The following SLC6A6 variants were observed in gnomAD, a reference collection of about 807,000 sequenced individuals.
SLC6A6 encodes solute carrier family 6 member 6.
SLC6A6 carries 16 observed loss-of-function variants against 68.8 expected under a neutral mutation model. That is an observed-to-expected ratio of 0.23 (90% CI 0.16 to 0.35). The LOEUF is 0.35. Ranked by LOEUF, SLC6A6 falls within the 10% of genes least tolerant of loss-of-function variation. The pLI is 1.00. For synonymous variants in SLC6A6, 312 were observed against 315.4 expected (o/e 0.99, Z 0.12); for missense variants, 474 against 802.8 (o/e 0.59, Z 4.95).
Position 14,481,578 on chromosome 3 carries a change from C to A in SLC6A6, c.1552-93C>A. 3 of 812,914 alleles carry A rather than the reference C, an allele frequency of 3.7e-6. No homozygotes were observed. The highest frequency in any genetic ancestry group is 6.1e-6 in the Non-Finnish European group (3 of 493,170). The allele number at this position is 812,914 out of a possible 1,614,324, so 50.4% of individuals were successfully genotyped here. On this transcript the variant is annotated intron_variant, in intron 13 of 14. Transcript: ENST00000622186. This position sits in a 1 kb window ranked among gnomAD's most constrained non-coding sequence, Gnocchi z 4.7. ...CCAGTCCTTTCCCAAGGAGAGAGAC[C>A]CTTCCCTCAGGTTGAGGCCAGTCCT...
chr3:14,406,272 C>T (rs1699106069), intron 1 of SLC6A6, among the ~76,000 whole-genome samples: 1 of 152,098 alleles, frequency 6.6e-6, no homozygotes, highest in Non-Finnish European at 1.5e-5. Flanking sequence ...CTCAGCCTCC[C>T]AAGTGTTGAT....
chr3:14,479,317 TG>T (rs1700955731), intron 13 of SLC6A6, 132 bp downstream of exon 13: 34 of 650,638 alleles, frequency 5.2e-5, no homozygotes, highest in South Asian at 4.4e-4. Flanking sequence ...CAGCGCTGCC[TG>T]GGAGAGGGGA....
At chr3:14,408,838 GCT>G (rs1209882443) in intron 1 of SLC6A6, among the ~76,000 whole-genome samples, 2 of 151,284 alleles carry the variant, frequency 1.3e-5, no homozygotes, top group Non-Finnish European at 2.9e-5. Flanking sequence ...ACGGAGTCTC[GCT>G]CTGTCGCCCA....
intron 1 of SLC6A6, among the ~76,000 whole-genome samples, chr3:14,407,510 C>CTT (rs55889836): frequency 9.5e-5 from 13 of 137,494 alleles, no homozygotes; most frequent in Non-Finnish European, 1.3e-4. Flanking sequence ...TTTTCTTTTT[C>CTT]TTTTTTTTTT....
rs73132917 is a variant in SLC6A6 at position 14,420,811 on chromosome 3, A to G, written c.-12+4358A>G. On this transcript the variant is annotated intron_variant, in intron 2 of 14. Transcript: ENST00000622186. ...TATTTTCAATTGTTGTAAAAGACAA[A>G]TAACTTAAAGCTGACCATCTTAACC... Among the ~76,000 whole-genome samples, 611 of 152,330 alleles carry G rather than the reference A, an allele frequency of 4.0e-3. 6 individuals carry two copies. The highest frequency in any genetic ancestry group is 0.014 in the African/African-American group (583 of 41,580).
chr3:14,430,556 C>T (rs987546981), intron 2 of SLC6A6, among the ~76,000 whole-genome samples: 3 of 152,222 alleles, frequency 2.0e-5, no homozygotes, highest in Non-Finnish European at 2.9e-5. Flanking sequence ...TAGCCCCACC[C>T]GAGTGTGGAT....
intron 5 of SLC6A6, among the ~76,000 whole-genome samples, chr3:14,448,563 C>T (rs1000405339): frequency 3.9e-5 from 6 of 152,172 alleles, no homozygotes; most frequent in African/African-American, 2.4e-5. Flanking sequence ...GGTCAATCCC[C>T]GAAACCCAAG....
chr3:14,463,200 G>A (rs550635743), intron 6 of SLC6A6, among the ~76,000 whole-genome samples: 12 of 152,244 alleles, frequency 7.9e-5, no homozygotes, highest in African/African-American at 1.7e-4. Flanking sequence ...GATCCATCCC[G>A]CATCCACCAC....
At chr3:14,465,804 C>T (rs1700602959) in intron 6 of SLC6A6, among the ~76,000 whole-genome samples, 1 of 152,256 alleles carries the variant, frequency 6.6e-6, no homozygotes, top group African/African-American at 2.4e-5. Flanking sequence ...TACACACGCA[C>T]TTGATAGCTT....
At chr3:14,422,486 C>G (rs1440495351) in intron 2 of SLC6A6, among the ~76,000 whole-genome samples, 5 of 152,156 alleles carry the variant, frequency 3.3e-5, no homozygotes, top group Admixed American at 1.3e-4. Flanking sequence ...TGGTGCGGAT[C>G]TCTCCTCTGA....
chr3:14,466,701 G>A (rs781292350), intron 7 of SLC6A6, 51 bp downstream of exon 7: 30 of 1,556,882 alleles, frequency 1.9e-5, no homozygotes, highest in South Asian at 3.4e-5. Flanking sequence ...GGGCTGGGCC[G>A]GCACAGGACA....
chr3:14,439,096 A>C (rs1699924780), intron 2 of SLC6A6, among the ~76,000 whole-genome samples: 1 of 152,196 alleles, frequency 6.6e-6, no homozygotes, highest in Non-Finnish European at 1.5e-5. Context: ...CCCCATTTGC[A>C]AGCAGTGCAG....
chr3:14,457,049 C>T (rs1477644206), intron 5 of SLC6A6, among the ~76,000 whole-genome samples: 2 of 152,244 alleles, frequency 1.3e-5, no homozygotes, highest in African/African-American at 4.8e-5. Flanking sequence ...CAGTACCCTG[C>T]ATCGCCCTGG....
chr3:14,403,762 C>G (rs535759503), intron 1 of SLC6A6, among the ~76,000 whole-genome samples: 1 of 152,220 alleles, frequency 6.6e-6, no homozygotes, highest in Non-Finnish European at 1.5e-5. Flanking sequence ...AGGAGATTCT[C>G]GTCCCCCTCC....
rs1245396377 is a variant in SLC6A6, at chr3:14,477,673, G to T, written c.1347+331G>T. Among the ~76,000 whole-genome samples the T allele has an allele frequency of 6.6e-6, 1 of 152,180 alleles. No individual in the cohort carries two copies. The highest frequency in any genetic ancestry group is 2.4e-5 in the African/African-American group (1 of 41,436). ...ACTGTGTGCCCTTCTCAGGCCTGGG[G>T]GTGGGGTGGAGACATTCTCAAGGGT... is the stretch of plus-strand genomic sequence containing the variant. On this transcript the variant is annotated intron_variant, in intron 11 of 14. Transcript: ENST00000622186. The surrounding 1 kb of genome is among the most constrained non-coding windows in gnomAD (Gnocchi z 4.2).
chr3:14,443,516 G>C, intron 2 of SLC6A6, 108 bp from the exon 3 acceptor site: 1 of 750,962 alleles, frequency 1.3e-6, no homozygotes, highest in South Asian at 1.7e-5. Context: ...CTTGCCACAG[G>C]CCCGGGCAGG....
intron 5 of SLC6A6, among the ~76,000 whole-genome samples, chr3:14,457,053 G>A (rs778930279): frequency 1.1e-4 from 16 of 152,190 alleles, no homozygotes; most frequent in Non-Finnish European, 2.1e-4. Context: ...ACCCTGCATC[G>A]CCCTGGCCTG....
intron 1 of SLC6A6, among the ~76,000 whole-genome samples, chr3:14,416,016 G>A (rs987826912): frequency 6.6e-6 from 1 of 152,148 alleles, no homozygotes; most frequent in African/African-American, 2.4e-5. Context: ...CTGACCAAGG[G>A]CAATGTGATG....
chr3:14,421,581 G>A (rs745990988), intron 2 of SLC6A6, among the ~76,000 whole-genome samples: 1 of 152,214 alleles, frequency 6.6e-6, no homozygotes, highest in Non-Finnish European at 1.5e-5. Context: ...GTTATTGCTC[G>A]TAGTATTGTG....
Sources: allele counts gnomAD v4.1 joint callset (sites outside exome capture counted in the v4.1 genomes callset), GRCh38; gene constraint gnomAD v4.1.1; non-coding constraint Gnocchi (gnomAD v3.1); transcripts MANE v1.5; gene names NCBI Gene and HGNC (gene_info 2026-07-23, HGNC 2026-07-21).